PCDHA1: variants seen among roughly 807,000 people sequenced by gnomAD.
The protein encoded by PCDHA1 is protocadherin alpha-1.
Under a neutral mutation model 61.3 loss-of-function variants are expected in PCDHA1, and 42 were observed. The ratio of observed to expected loss-of-function variants is 0.69; its 90% CI spans 0.54 to 0.89. The LOEUF is 0.89. Among genes scored for constraint, PCDHA1 ranks in the 40% least tolerant of loss-of-function variants. The probability of loss-of-function intolerance (pLI) is 0.00; values close to 1 mark genes in which losing one functional copy is unlikely to be tolerated. For synonymous variants in PCDHA1, 610 were observed against 553.8 expected (o/e 1.10, Z -1.43); for missense variants, 1,256 against 1,235.3 (o/e 1.02, Z -0.25).
intron 1 of PCDHA1, among the ~76,000 whole-genome samples, chr5:140,956,852 G>T (rs931766503): frequency 3.3e-5 from 5 of 152,060 alleles, no homozygotes; most frequent in African/African-American, 1.2e-4. Context: ...TGGGTTAAAT[G>T]GTTGAATGAA....
At chr5:140,811,664 G>A (rs2126630943) in intron 1 of PCDHA1, 173 of 152,272 alleles carry the variant, frequency 1.1e-3, no homozygotes, top group African/African-American at 4.1e-3. Context: ...AGCATGTGTT[G>A]TTTCCTGACT....
rs1197657289 is a variant in PCDHA1 at position 140,900,491 on chromosome 5, G to A, written c.2395-78458G>A. Among the ~76,000 whole-genome samples the A allele has an allele frequency of 2.6e-5, 4 of 152,160 alleles. No homozygotes were observed. The East Asian group carries it at 7.7e-4, about 29-fold the overall frequency. On this transcript the variant is annotated intron_variant, in intron 1 of 3. Transcript: ENST00000504120. ...GGAGTTTCTCCATGTTGGTCAGACT[G>A]GTCTCAAATTCCCAGCCTCAGGTGA...
chr5:140,800,458 T>A lies in PCDHA1; in HGVS notation c.2394+11774T>A, dbSNP rs138589770. ...CTGTAATAACATAAAAGTAGATATA[T>A]GTATGTTTTAATATATACAGCACAC... On this transcript the variant is annotated intron_variant, in intron 1 of 3. Coordinates refer to ENST00000504120, the MANE Select transcript of PCDHA1 (RefSeq NM_018900.4). 2.9e-4 allele frequency among the ~76,000 whole-genome samples: 44 copies of A among 152,284 alleles called. 1 individual carries two copies. In the East Asian group the frequency reaches 8.3e-3, roughly 29 times the overall value.
intron 1 of PCDHA1, chr5:140,843,947 C>G: frequency 1.8e-6 from 1 of 565,064 alleles, no homozygotes; most frequent in Non-Finnish European, 3.1e-6. Context: ...GGATGATATC[C>G]ATTTTTTACT....
intron 3 of PCDHA1, among the ~76,000 whole-genome samples, chr5:141,005,701 CAAAAAAA>C (rs59860837): frequency 1.3e-4 from 1 of 7,786 alleles, no homozygotes; most frequent in African/African-American, 4.7e-4. Context: ...AACTCCGTCT[CAAAAAAA>C]AAAAAAAAAA....
At chr5:140,898,956 T>C (rs1352076218) in intron 1 of PCDHA1, among the ~76,000 whole-genome samples, 4 of 152,130 alleles carry the variant, frequency 2.6e-5, no homozygotes, top group Admixed American at 2.6e-4. Context: ...GAAGCAGTTG[T>C]GAATGGGAGT....
chr5:140,887,052 G>A (rs1187906559), intron 1 of PCDHA1, among the ~76,000 whole-genome samples: 1 of 151,228 alleles, frequency 6.6e-6, no homozygotes, highest in Non-Finnish European at 1.5e-5. Flanking sequence ...TAGTGCATAT[G>A]TTCTGGCAAC....
rs1307653192 is a variant in PCDHA1, at chr5:141,009,883, G to C, written c.2799G>C (p.Lys933Asn). 1.2e-6 allele frequency: 2 copies of C among 1,613,212 alleles called. No individual in the cohort carries two copies. Among genetic ancestry groups the C allele is most frequent in the Non-Finnish European group, 1.7e-6 (2 of 1,179,888 alleles). Reference sequence around the variant, plus strand: ...AGAAGAAAAAGAAGAAGGGTAACAAGACCCAGGAGAAAAAAGAGAAAGGGA... The same window carrying C: ...AGAAGAAAAAGAAGAAGGGTAACAACACCCAGGAGAAAAAAGAGAAAGGGA... ...KKKKKKKKGNKTQEKKEKGNS... is the reference protein window; with the variant it reads ...KKKKKKKKGNNTQEKKEKGNS... The change falls in exon 4 of 4, where the codon AAG becomes AAC. Residue 933 changes from lysine (K) to asparagine (N), a missense_variant. Coordinates refer to ENST00000504120, the MANE Select transcript of PCDHA1 (RefSeq NM_018900.4).
intron 1 of PCDHA1, chr5:140,807,618 A>C (rs1177804428): frequency 1.2e-6 from 2 of 1,614,184 alleles, no homozygotes. Context: ...TCCATCGCGG[A>C]ATCCAGGCCG....
intron 1 of PCDHA1, among the ~76,000 whole-genome samples, chr5:140,917,533 T>C (rs1584058253): frequency 6.6e-6 from 1 of 152,346 alleles, no homozygotes; most frequent in East Asian, 1.9e-4. Context: ...GTTTGTATAG[T>C]TTTAGGTTTT....
chr5:140,856,170 G>T, intron 1 of PCDHA1: 1 of 1,598,322 alleles, frequency 6.3e-7, no homozygotes, highest in Non-Finnish European at 8.6e-7. Context: ...GCCAGACACG[G>T]CACCTTCGTG....
Position 140,841,614 on chromosome 5 carries a change from G to A in PCDHA1, c.2394+52930G>A, listed in dbSNP as rs144868773. On this transcript the variant is annotated intron_variant, in intron 1 of 3. Transcript: ENST00000504120. The stretch of plus-strand genomic sequence containing the variant: ...ATCGACCGCGAGGAGCTGTGCGGGC[G>A]GAGCGCGGAGTGCAGCATCCACCTG... 3,076 of 1,614,122 alleles carry A rather than the reference G, an allele frequency of 1.9e-3. 76 individuals carry two copies. The African/African-American group carries it at 0.036, about 19-fold the overall frequency.
intron 1 of PCDHA1, chr5:140,869,457 T>C: frequency 6.2e-7 from 1 of 1,614,184 alleles, no homozygotes. Context: ...AGGTTTTCCA[T>C]GTGAACGTGG....
chr5:140,845,492 G>T lies in PCDHA1; in HGVS notation c.2394+56808G>T, dbSNP rs2150379266. ...ATTTGGGGTTGTGCTTTCACAGTGA[G>T]AAAGTCTAAACCTATTTCTTGTACA... On this transcript the variant is annotated intron_variant, in intron 1 of 3. Coordinates refer to ENST00000504120, the MANE Select transcript of PCDHA1 (RefSeq NM_018900.4). Among the ~76,000 whole-genome samples, 111 of 149,698 alleles carry T rather than the reference G, an allele frequency of 7.4e-4. 5 individuals are homozygous for T. Among genetic ancestry groups the T allele is most frequent in the African/African-American group, 2.6e-3 (108 of 41,006 alleles).
intron 1 of PCDHA1, among the ~76,000 whole-genome samples, chr5:140,970,714 A>C (rs1554232672): frequency 6.6e-6 from 1 of 152,220 alleles, no homozygotes; most frequent in Non-Finnish European, 1.5e-5. Flanking sequence ...CAATGTGTGA[A>C]CAATATTTGT....
chr5:140,967,116 G>T, intron 1 of PCDHA1: 1 of 1,612,922 alleles, frequency 6.2e-7, no homozygotes, highest in Non-Finnish European at 8.5e-7. Flanking sequence ...CGGCCTCGCT[G>T]CCTGCTCAGC....
At position 140,855,615 on chromosome 5, in the gene PCDHA1, G is replaced by A. The variant is rs533931974; in HGVS notation, c.2394+66931G>A. On this transcript the variant is annotated intron_variant, in intron 1 of 3. Coordinates refer to ENST00000504120, the MANE Select transcript of PCDHA1 (RefSeq NM_018900.4). ...ACTCAGTAGTATGCAAATATTAAGG[G>A]CATTTTGAAATTCGGCTATTGATAA... Among the ~76,000 whole-genome samples, 21 of 149,700 alleles carry A rather than the reference G, an allele frequency of 1.4e-4. 1 individual carries two copies. Among genetic ancestry groups the A allele is most frequent in the African/African-American group, 5.1e-4 (21 of 40,910 alleles).
In PCDHA1 at chr5:141,011,437, GA is replaced by G. The variant is rs1196462702; in HGVS notation, c.*1501del. The G allele has an allele frequency of 2.6e-5, 4 of 153,726 alleles. No homozygotes were observed. Among genetic ancestry groups the G allele is most frequent in the African/African-American group, 9.7e-5 (4 of 41,440 alleles). 9.5% of individuals were successfully genotyped at this position (153,726 alleles called of 1,614,324 possible). ...TGAATGTTAATGCAACTATTACCTA[GA>G]GTGAACTTTAAGCTTTATTGTTGAA... is the stretch of plus-strand genomic sequence containing the variant. On this transcript the variant is annotated 3_prime_UTR_variant, in exon 4 of 4. Transcript: ENST00000504120.
chr5:140,965,654 G>A (rs1194762396), intron 1 of PCDHA1, among the ~76,000 whole-genome samples: 5 of 152,150 alleles, frequency 3.3e-5, no homozygotes, highest in Non-Finnish European at 7.4e-5. Flanking sequence ...GAAAGAAAAT[G>A]TCTTGGGTGA....
Sources: gnomAD v4.1 joint callset for allele counts (sites outside exome capture counted in the v4.1 genomes callset) on GRCh38, gnomAD v4.1.1 for gene constraint, MANE v1.5 for transcripts, NCBI Gene and HGNC (gene_info 2026-07-23, HGNC 2026-07-21) for gene names.